The following METTL15 variants were observed in gnomAD, a reference collection of about 807,000 sequenced individuals.
METTL15 encodes the protein 12S rRNA N(4)-cytidine methyltransferase METTL15.
Under a neutral mutation model 38.3 loss-of-function variants are expected in METTL15, and 34 were observed. The ratio of observed to expected loss-of-function variants is 0.89; its 90% CI spans 0.68 to 1.18. The LOEUF is 1.18. Among genes scored for constraint, METTL15 ranks in the 50% most tolerant of loss-of-function variants. METTL15 has a pLI of 0.00. For synonymous variants in METTL15, 162 were observed against 170.9 expected, an observed-to-expected ratio of 0.95 and a Z score of 0.41; for missense variants, 438 against 498.4, an observed-to-expected ratio of 0.88 and a Z score of 1.15.
rs71518617 is a variant in METTL15 at position 28,207,577 on chromosome 11, T to G, written c.271-3485T>G. ...ATATTGGTCTAAAATTCTCTTTTTT[T>G]GTTGTGTCTCTGCCCGGCTTTGGTG... On this transcript the variant is annotated intron_variant, in intron 3 of 6. Coordinates refer to ENST00000407364, the MANE Select transcript of METTL15 (RefSeq NM_001113528.2). 9.8e-4 allele frequency among the ~76,000 whole-genome samples: 149 copies of G among 152,214 alleles called. 2 individuals carry two copies. The highest frequency in any genetic ancestry group is 2.2e-3 in the African/African-American group (93 of 41,550).
intron 5 of METTL15, among the ~76,000 whole-genome samples, chr11:28,364,569 A>G (rs1444440568): frequency 6.6e-6 from 1 of 152,176 alleles, no homozygotes; most frequent in Non-Finnish European, 1.5e-5. Context: ...TATCAGATCT[A>G]GGAGCCTTTT....
intron 6 of METTL15, among the ~76,000 whole-genome samples, chr11:28,313,737 G>C (rs1857385758): frequency 6.6e-6 from 1 of 151,558 alleles, no homozygotes; most frequent in South Asian, 2.1e-4. Context: ...CTAGATATCA[G>C]TAGAGATACC....
chr11:28,164,334 T>G (rs1314691555), intron 3 of METTL15, among the ~76,000 whole-genome samples: 15 of 152,070 alleles, frequency 9.9e-5, no homozygotes, highest in Non-Finnish European at 4.4e-5. Flanking sequence ...AGTTTCAGGG[T>G]TTATAAGTAC....
At chr11:28,138,210 G>A (rs375369961) in intron 3 of METTL15, among the ~76,000 whole-genome samples, 9 of 151,994 alleles carry the variant, frequency 5.9e-5, no homozygotes, top group African/African-American at 1.9e-4. Context: ...CCTCTCATGT[G>A]TGCATTAAGA....
intron 5 of METTL15, among the ~76,000 whole-genome samples, chr11:28,367,084 G>T (rs998419998): frequency 1.1e-4 from 17 of 152,040 alleles, no homozygotes; most frequent in African/African-American, 3.9e-4. Flanking sequence ...AGAGAAGACT[G>T]AAATGTAGTC....
intron 6 of METTL15, among the ~76,000 whole-genome samples, chr11:28,493,968 A>T (rs1851516805): frequency 6.6e-6 from 1 of 152,258 alleles, no homozygotes; most frequent in Non-Finnish European, 1.5e-5. Flanking sequence ...AGGATTAGAA[A>T]TCAATTACAC....
At chr11:28,307,398 A>T (rs1190534228) in intron 6 of METTL15, among the ~76,000 whole-genome samples, 1 of 152,004 alleles carries the variant, frequency 6.6e-6, no homozygotes, top group Non-Finnish European at 1.5e-5. Flanking sequence ...TTTAATGAAT[A>T]AATGAATGGC....
At chr11:28,390,462 G>T (rs868670994) in intron 5 of METTL15, among the ~76,000 whole-genome samples, 6 of 150,834 alleles carry the variant, frequency 4.0e-5, no homozygotes, top group Non-Finnish European at 5.9e-5. Flanking sequence ...GCCAGTTTTC[G>T]CAGCACCATT....
intron 3 of METTL15, among the ~76,000 whole-genome samples, chr11:28,350,729 C>G (rs1004420766): frequency 3.9e-5 from 6 of 152,264 alleles, no homozygotes; most frequent in African/African-American, 1.4e-4. Flanking sequence ...AAAATTGATG[C>G]TATCAATCAA....
intron 3 of METTL15, among the ~76,000 whole-genome samples, chr11:28,126,263 C>G (rs1236121856): frequency 6.6e-6 from 1 of 152,082 alleles, no homozygotes; most frequent in East Asian, 1.9e-4. Context: ...TTGGTATCCT[C>G]CTTCCTTGCT....
intron 5 of METTL15, among the ~76,000 whole-genome samples, chr11:28,386,181 G>C (rs1477305725): frequency 1.3e-5 from 2 of 151,920 alleles, no homozygotes; most frequent in Non-Finnish European, 2.9e-5. Flanking sequence ...AAGAAAGGCA[G>C]TAAGAGAGTA....
intron 6 of METTL15, among the ~76,000 whole-genome samples, chr11:28,494,112 A>T (rs984732170): frequency 6.6e-6 from 1 of 152,216 alleles, no homozygotes; most frequent in African/African-American, 2.4e-5. Context: ...ACAAATTAGG[A>T]TGAAAGATGT....
intron 6 of METTL15, among the ~76,000 whole-genome samples, chr11:28,526,239 A>C (rs1373337724): frequency 6.6e-6 from 1 of 151,956 alleles, no homozygotes; most frequent in East Asian, 1.9e-4. Flanking sequence ...CCCACAGTGC[A>C]GTGGTGGGCT....
At chr11:28,129,625 A>T (rs1590772168) in intron 3 of METTL15, among the ~76,000 whole-genome samples, 1 of 151,910 alleles carries the variant, frequency 6.6e-6, no homozygotes, top group South Asian at 2.1e-4. Flanking sequence ...GGCCAGGCTG[A>T]TCTTGAACTC....
At chr11:28,450,633 AAG>A (rs1301721658) in intron 6 of METTL15, among the ~76,000 whole-genome samples, 1 of 152,254 alleles carries the variant, frequency 6.6e-6, no homozygotes, top group Non-Finnish European at 1.5e-5. Context: ...CACCTATAGC[AAG>A]AGTTATTAAT....
chr11:28,378,564 C>G (rs938195062), intron 5 of METTL15, among the ~76,000 whole-genome samples: 3 of 152,176 alleles, frequency 2.0e-5, no homozygotes, highest in Admixed American at 6.5e-5. Context: ...CTGGCACTCC[C>G]TAGTGAGATG....
At chr11:28,337,562 T>TTA (rs1849912390), downstream of METTL15, among the ~76,000 whole-genome samples, 1 of 152,216 alleles carries the variant, frequency 6.6e-6, no homozygotes, top group Admixed American at 6.5e-5. Flanking sequence ...TATACAGTGT[T>TTA]TATAAAGTCT....
At chr11:28,235,483 G>C (rs1037326780) in intron 4 of METTL15, among the ~76,000 whole-genome samples, 1 of 151,962 alleles carries the variant, frequency 6.6e-6, no homozygotes, top group South Asian at 2.1e-4. Flanking sequence ...TTATTTCCTT[G>C]AGCAGTGGTT....
chr11:28,122,102 TACTC>T (rs1038901496), intron 3 of METTL15: 29 of 1,187,584 alleles, frequency 2.4e-5, no homozygotes, highest in African/African-American at 6.5e-5. Flanking sequence ...AACTCCATCT[TACTC>T]ACTCAAAGTA....
Sources: allele counts gnomAD v4.1 joint callset (sites outside exome capture counted in the v4.1 genomes callset), GRCh38; gene constraint gnomAD v4.1.1; transcripts MANE v1.5; gene names NCBI Gene and HGNC (gene_info 2026-07-23, HGNC 2026-07-21).